THSD7A: variants seen among roughly 807,000 people sequenced by gnomAD.
The protein encoded by THSD7A is thrombospondin type 1 domain containing 7A.
THSD7A carries 96 observed loss-of-function variants against 231.3 expected under a neutral mutation model. That is an observed-to-expected ratio of 0.41 (90% CI 0.35 to 0.49). The LOEUF is 0.49. Ranked by LOEUF, THSD7A falls within the 20% of genes least tolerant of loss-of-function variation. THSD7A has a pLI of 0.05. For missense variants in THSD7A, 2,290 were observed against 2,070.2 expected (o/e 1.11, Z -2.06); for synonymous variants, 940 against 743.3 (o/e 1.26, Z -4.30).
At chr7:11,815,667 G>A (rs1784669840) in intron 1 of THSD7A, among the ~76,000 whole-genome samples, 1 of 152,138 alleles carries the variant, frequency 6.6e-6, no homozygotes, top group South Asian at 2.1e-4. Context: ...TCATTTAGAT[G>A]AACAATCATA....
At chr7:11,733,871 T>C (rs901716763) in intron 1 of THSD7A, among the ~76,000 whole-genome samples, 35 of 152,086 alleles carry the variant, frequency 2.3e-4, no homozygotes, top group African/African-American at 8.2e-4. Flanking sequence ...ACATTGTTAA[T>C]GACACTATGG....
At chr7:11,688,740 G>A (rs544646883) in intron 1 of THSD7A, among the ~76,000 whole-genome samples, 1 of 151,884 alleles carries the variant, frequency 6.6e-6, no homozygotes, top group Non-Finnish European at 1.5e-5. Context: ...TAGTTAGGCA[G>A]ATCCGAAATG....
chr7:11,516,745 G>A (rs1788046498), intron 6 of THSD7A, among the ~76,000 whole-genome samples: 1 of 152,158 alleles, frequency 6.6e-6, no homozygotes. Flanking sequence ...AATATAAAAT[G>A]TTATTTGAAA....
intron 11 of THSD7A, among the ~76,000 whole-genome samples, chr7:11,454,901 A>G (rs189635035): frequency 6.6e-6 from 1 of 152,120 alleles, no homozygotes; most frequent in East Asian, 1.9e-4. Flanking sequence ...AGCTCTGTAC[A>G]CTAAGATGAT....
At chr7:11,771,180 T>A (rs962108096) in intron 1 of THSD7A, among the ~76,000 whole-genome samples, 1 of 151,162 alleles carries the variant, frequency 6.6e-6, no homozygotes, top group Non-Finnish European at 1.5e-5. Flanking sequence ...CCCATAGATA[T>A]GTTTATAACA....
intron 1 of THSD7A, among the ~76,000 whole-genome samples, chr7:11,746,193 A>C (rs1782294667): frequency 6.6e-6 from 1 of 151,832 alleles, no homozygotes; most frequent in Admixed American, 6.6e-5. Context: ...TTTTGTATTT[A>C]AACATTTATT....
At chr7:11,813,590 G>A (rs1177241758) in intron 1 of THSD7A, among the ~76,000 whole-genome samples, 2 of 151,902 alleles carry the variant, frequency 1.3e-5, no homozygotes, top group African/African-American at 4.8e-5. Context: ...GCACACGCCT[G>A]TAGTCCCAGC....
At chr7:11,764,569 CA>C (rs11423096) in intron 1 of THSD7A, among the ~76,000 whole-genome samples, 38,860 of 106,196 alleles carry the variant, frequency 0.37, 4,967 homozygotes, top group Admixed American at 0.47. Flanking sequence ...GACTCCGTCT[CA>C]AAAAAAAAAA....
At chr7:11,815,288 C>G (rs1257607785) in intron 1 of THSD7A, among the ~76,000 whole-genome samples, 2 of 151,620 alleles carry the variant, frequency 1.3e-5, no homozygotes, top group Non-Finnish European at 2.9e-5. Context: ...TCTCTGATTG[C>G]AAGTGATGGA....
At chr7:11,529,629 A>G (rs1028337944) in intron 6 of THSD7A, among the ~76,000 whole-genome samples, 9 of 152,084 alleles carry the variant, frequency 5.9e-5, no homozygotes, top group African/African-American at 2.2e-4. Flanking sequence ...GCTGCCATAT[A>G]AGGCATGCCT....
chr7:11,736,748 C>G (rs926006942), intron 1 of THSD7A, among the ~76,000 whole-genome samples: 2 of 151,840 alleles, frequency 1.3e-5, no homozygotes, highest in African/African-American at 4.8e-5. Flanking sequence ...CACATTCTGG[C>G]TTTCAAAGAA....
intron 1 of THSD7A, among the ~76,000 whole-genome samples, chr7:11,786,789 A>T (rs1019269375): frequency 6.6e-6 from 1 of 150,760 alleles, no homozygotes; most frequent in Non-Finnish European, 1.5e-5. Flanking sequence ...AAGAAAAACC[A>T]ATGTAATGCT....
At chr7:11,616,414 C>G (rs1375563188) in intron 2 of THSD7A, among the ~76,000 whole-genome samples, 1 of 152,114 alleles carries the variant, frequency 6.6e-6, no homozygotes, top group African/African-American at 2.4e-5. Flanking sequence ...ACACCAATAA[C>G]AGATTAAAGT....
chr7:11,562,766 T>C (rs931495710), intron 4 of THSD7A, among the ~76,000 whole-genome samples: 1 of 152,192 alleles, frequency 6.6e-6, no homozygotes, highest in Non-Finnish European at 1.5e-5. Flanking sequence ...AAATATTAAG[T>C]GCTTACTCTT....
At chr7:11,451,296 A>G (rs1248223548) in intron 11 of THSD7A, among the ~76,000 whole-genome samples, 4 of 152,064 alleles carry the variant, frequency 2.6e-5, no homozygotes, top group Admixed American at 6.6e-5. Context: ...GAGACAATGG[A>G]GAAAAATTAT....
intron 6 of THSD7A, among the ~76,000 whole-genome samples, chr7:11,509,357 T>C (rs1278326104): frequency 6.6e-6 from 1 of 152,166 alleles, no homozygotes; most frequent in African/African-American, 2.4e-5. Flanking sequence ...AAATTAGACA[T>C]TTCCTTTACA....
At chr7:11,680,102 A>G (rs931779991) in intron 1 of THSD7A, among the ~76,000 whole-genome samples, 4 of 152,152 alleles carry the variant, frequency 2.6e-5, no homozygotes, top group Non-Finnish European at 5.9e-5. Flanking sequence ...TAATGGGGAA[A>G]GGATTCCCTA....
intron 2 of THSD7A, among the ~76,000 whole-genome samples, chr7:11,598,818 C>T (rs1780454550): frequency 6.6e-6 from 1 of 152,142 alleles, no homozygotes; most frequent in South Asian, 2.1e-4. Context: ...TGCAACATTA[C>T]GTTCTGTTGA....
At chr7:11,620,268 T>C (rs763551736) in intron 2 of THSD7A, among the ~76,000 whole-genome samples, 4 of 152,212 alleles carry the variant, frequency 2.6e-5, no homozygotes, top group Non-Finnish European at 5.9e-5. Context: ...TAAATCTATC[T>C]TGCATTTAAA....
Sources: gnomAD v4.1 joint callset for allele counts (sites outside exome capture counted in the v4.1 genomes callset) on GRCh38, gnomAD v4.1.1 for gene constraint, MANE v1.5 for transcripts, NCBI Gene and HGNC (gene_info 2026-07-23, HGNC 2026-07-21) for gene names.